The following TAFA5 variants were observed in gnomAD, a reference collection of about 807,000 sequenced individuals.
The protein encoded by TAFA5 is TAFA chemokine like family member 5.
Under a neutral mutation model 15.3 loss-of-function variants are expected in TAFA5, and 6 were observed. That is an observed-to-expected ratio of 0.39 (90% confidence interval 0.21 to 0.77). TAFA5 has a LOEUF of 0.77. Ranked by LOEUF, TAFA5 falls within the 30% of genes least tolerant of loss-of-function variation. The probability of loss-of-function intolerance (pLI) is 0.41; values close to 1 mark genes in which losing one functional copy is unlikely to be tolerated. For missense variants in TAFA5, 161 were observed against 193.1 expected, an observed-to-expected ratio of 0.83 and a Z score of 0.98; for synonymous variants, 103 against 80.7, an observed-to-expected ratio of 1.28 and a Z score of -1.48.
chr22:48,576,266 C>T, intron 1 of TAFA5: 2 of 634,168 alleles, frequency 3.2e-6, no homozygotes, highest in Non-Finnish European at 4.4e-6. Context: ...CCCTCCGCGG[C>T]GCCCCCCTCC....
chr22:48,646,872 C>T (rs1926888054), intron 2 of TAFA5, 126 bp downstream of exon 2: 1 of 1,228,450 alleles, frequency 8.1e-7, no homozygotes, highest in Non-Finnish European at 1.1e-6. Flanking sequence ...GGGTCAGGCC[C>T]CTGGCTGTTG....
intron 2 of TAFA5, among the ~76,000 whole-genome samples, chr22:48,704,742 T>A (rs569506541): frequency 6.6e-6 from 1 of 152,174 alleles, no homozygotes; most frequent in Admixed American, 6.5e-5. Context: ...ACGAGGGATG[T>A]TCCCATGTCT....
At chr22:48,542,848 G>A (rs1412994956) in intron 1 of TAFA5, among the ~76,000 whole-genome samples, 1 of 149,422 alleles carries the variant, frequency 6.7e-6, no homozygotes, top group Non-Finnish European at 1.5e-5. Context: ...TGTGTGTGAT[G>A]TGTTTGTGTA....
At position 48,530,763 on chromosome 22, in the gene TAFA5, C is replaced by T. The variant is rs1921943303; in HGVS notation, c.112+41059C>T. The stretch of plus-strand genomic sequence containing the variant: ...CACCTGACCCCCAGGCCCACCCCTT[C>T]AGGGGGCCGGTGGCAGAGGGAGTTC... On this transcript the variant is annotated intron_variant, in intron 1 of 3. Coordinates refer to ENST00000402357, the MANE Select transcript of TAFA5 (RefSeq NM_001082967.3). The surrounding 1 kb of genome is among the most constrained non-coding windows in gnomAD (Gnocchi z 6.0). Among the ~76,000 whole-genome samples, 1 of 152,216 alleles carries T rather than the reference C, an allele frequency of 6.6e-6. No individual in the cohort carries two copies. The highest frequency in any genetic ancestry group is 1.5e-5 in the Non-Finnish European group (1 of 68,032).
chr22:48,502,529 T>C (rs938199743), intron 1 of TAFA5, among the ~76,000 whole-genome samples: 1 of 151,044 alleles, frequency 6.6e-6, no homozygotes, highest in African/African-American at 2.4e-5. Flanking sequence ...AATTTTTTTT[T>C]TTTTTTTTTT....
chr22:48,681,292 G>A (rs1312054997), intron 2 of TAFA5, among the ~76,000 whole-genome samples: 2 of 152,080 alleles, frequency 1.3e-5, no homozygotes, highest in Non-Finnish European at 2.9e-5. Context: ...GCTCCAACCC[G>A]TGAGGACACG....
Position 48,685,573 on chromosome 22 carries a change from T to C in TAFA5, c.263-22144T>C, listed in dbSNP as rs569261023. 5.3e-5 allele frequency among the ~76,000 whole-genome samples: 8 copies of C among 152,290 alleles called. No homozygotes were observed. In the South Asian group the frequency reaches 1.7e-3, roughly 32 times the overall value. ...ATGTTGTCAGTCTTATGATCTCTCTTTTAATGATACTGCTGGTCAGTGGGG... is the reference window on the plus strand; with the variant it reads ...ATGTTGTCAGTCTTATGATCTCTCTCTTAATGATACTGCTGGTCAGTGGGG... On this transcript the variant is annotated intron_variant, in intron 2 of 3. Transcript: ENST00000402357.
rs1025916493 is a variant in TAFA5, at chr22:48,576,047, C to A, written c.113-70550C>A. ...GGCCGGGGCCGCGCCGGACCCCCCCCCCCCCCGCGCCGCCCGGCCGTTGCG... is the reference window on the plus strand; with the variant it reads ...GGCCGGGGCCGCGCCGGACCCCCCCACCCCCCGCGCCGCCCGGCCGTTGCG... On this transcript the variant is annotated intron_variant, in intron 1 of 3. Transcript: ENST00000402357. 3.7e-3 allele frequency among the ~76,000 whole-genome samples: 406 copies of A among 110,974 alleles called. 28 individuals are homozygous for A. In the East Asian group the frequency reaches 0.094, roughly 26 times the overall value. 72.8% of individuals were successfully genotyped at this position (110,974 alleles called of 152,430 possible). A position where few individuals can be genotyped will look rare whatever the true frequency, so the allele number is the denominator to read the frequency against.
At chr22:48,542,114 TGTGTGTG>T (rs1922404385) in intron 1 of TAFA5, among the ~76,000 whole-genome samples, 1 of 144,544 alleles carries the variant, frequency 6.9e-6, no homozygotes, top group African/African-American at 2.6e-5. Flanking sequence ...GTGGTGTGTG[TGTGTGTG>T]GTGTGTGTGA....
intron 1 of TAFA5, among the ~76,000 whole-genome samples, chr22:48,536,717 G>A (rs1051357894): frequency 1.3e-5 from 2 of 152,218 alleles, no homozygotes; most frequent in Non-Finnish European, 2.9e-5. Context: ...GGGGAGGACA[G>A]AGTGCCTTTG....
chr22:48,729,911 A>G (rs796269733), intron 3 of TAFA5, among the ~76,000 whole-genome samples: 15 of 152,106 alleles, frequency 9.9e-5, no homozygotes, highest in African/African-American at 3.4e-4. Context: ...CAGGCACGCA[A>G]TTCCTTCAGC....
chr22:48,696,211 G>A (rs1182438987), intron 2 of TAFA5, among the ~76,000 whole-genome samples: 6 of 152,348 alleles, frequency 3.9e-5, no homozygotes, highest in African/African-American at 1.4e-4. Context: ...GACTGTGCCA[G>A]CCACCCGGGC....
intron 1 of TAFA5, among the ~76,000 whole-genome samples, chr22:48,582,198 A>G (rs780511288): frequency 3.4e-4 from 51 of 151,874 alleles, no homozygotes; most frequent in Non-Finnish European, 6.9e-4. Context: ...GACACACCAC[A>G]CACTACACGA....
chr22:48,518,700 G>C (rs1411222564), intron 1 of TAFA5, among the ~76,000 whole-genome samples: 1 of 152,118 alleles, frequency 6.6e-6, no homozygotes. Context: ...CGAGAACAGG[G>C]GGCCTGCAGA....
intron 1 of TAFA5, among the ~76,000 whole-genome samples, chr22:48,622,640 G>A (rs1474007898): frequency 6.6e-6 from 1 of 152,244 alleles, no homozygotes; most frequent in African/African-American, 2.4e-5. Flanking sequence ...ACACCATGGA[G>A]GGAGTCCTTG....
At chr22:48,596,233 T>G (rs1368431432) in intron 1 of TAFA5, among the ~76,000 whole-genome samples, 1 of 152,226 alleles carries the variant, frequency 6.6e-6, no homozygotes, top group Non-Finnish European at 1.5e-5. Context: ...GAAGCAGTGT[T>G]GAAGAGACGC....
At chr22:48,548,250 G>A (rs532553625) in intron 1 of TAFA5, among the ~76,000 whole-genome samples, 3 of 152,286 alleles carry the variant, frequency 2.0e-5, no homozygotes, top group South Asian at 2.1e-4. Flanking sequence ...TGAGTGTAGC[G>A]AGGAGGATGG....
chr22:48,542,749 T>G (rs752279262), intron 1 of TAFA5, among the ~76,000 whole-genome samples: 3 of 147,160 alleles, frequency 2.0e-5, no homozygotes, highest in Non-Finnish European at 4.5e-5. Flanking sequence ...ATATGTGTAC[T>G]GGTGTACTGT....
At position 48,681,966 on chromosome 22, in the gene TAFA5, C is replaced by T. The variant is rs1204175097; in HGVS notation, c.263-25751C>T. Among the ~76,000 whole-genome samples the T allele has an allele frequency of 5.9e-5, 7 of 118,746 alleles. 3 individuals carry two copies. Among genetic ancestry groups the T allele is most frequent in the Admixed American group, 2.4e-4 (3 of 12,436 alleles). 77.9% of individuals were successfully genotyped at this position (118,746 alleles called of 152,430 possible). On this transcript the variant is annotated intron_variant, in intron 2 of 3. Transcript: ENST00000402357. Reference sequence around the variant, plus strand: ...TCTTTGCGAGGGTACGGGAGCTCCCCGTCAAGCAGACGTTGTTGTGGACTC... The same window carrying T: ...TCTTTGCGAGGGTACGGGAGCTCCCTGTCAAGCAGACGTTGTTGTGGACTC...
Sources: gnomAD v4.1 joint callset for allele counts (sites outside exome capture counted in the v4.1 genomes callset) on GRCh38, gnomAD v4.1.1 for gene constraint, Gnocchi (gnomAD v3.1) non-coding constraint, MANE v1.5 for transcripts, NCBI Gene and HGNC (gene_info 2026-07-23, HGNC 2026-07-21) for gene names.